Variants in PRKN observed in about 807,000 individuals in gnomAD.
PRKN encodes the protein E3 ubiquitin-protein ligase parkin.
PRKN carries 56 observed loss-of-function variants against 59.5 expected under a neutral mutation model. The ratio of observed to expected loss-of-function variants is 0.94; its 90% CI spans 0.76 to 1.18. The LOEUF (loss-of-function observed/expected upper bound fraction) is 1.18. Ranked by LOEUF, PRKN falls within the 50% of genes most tolerant of loss-of-function variation. PRKN has a pLI of 0.00. For missense variants in PRKN, 657 were observed against 596.4 expected (o/e 1.10, Z -1.06); for synonymous variants, 250 against 222.1 (o/e 1.13, Z -1.12).
chr6:161,468,762 A>G lies in PRKN; in HGVS notation c.1083+80092T>C, dbSNP rs1012038393. On this transcript the variant is annotated intron_variant, in intron 9 of 11. Coordinates refer to ENST00000366898, the MANE Select transcript of PRKN (RefSeq NM_004562.3). This position sits in a 1 kb window ranked among gnomAD's most constrained non-coding sequence, Gnocchi z 5.9. ...ACTTGGGTATGTTCTTCTCAAGGAC[A>G]GGAAAGTCATGCACAGTGTATGTTC... Among the ~76,000 whole-genome samples the G allele has an allele frequency of 2.0e-5, 3 of 152,200 alleles. No homozygotes were observed. Among genetic ancestry groups the G allele is most frequent in the African/African-American group, 7.2e-5 (3 of 41,454 alleles).
intron 2 of PRKN, among the ~76,000 whole-genome samples, chr6:162,406,946 C>T (rs1044940766): frequency 4.6e-5 from 7 of 152,018 alleles, no homozygotes; most frequent in South Asian, 2.1e-4. Flanking sequence ...AACTTTCTGC[C>T]AGGTTTAAGA....
At position 161,473,487 on chromosome 6, in the gene PRKN, A is replaced by G. The variant is rs984625592; in HGVS notation, c.1083+75367T>C. Reference sequence around the variant, plus strand: ...AACTGAGCCAGACACAGGAAAAAGTACTGCATGATCTTACTTACATGTGGA... The same window carrying G: ...AACTGAGCCAGACACAGGAAAAAGTGCTGCATGATCTTACTTACATGTGGA... On this transcript the variant is annotated intron_variant, in intron 9 of 11. Coordinates refer to ENST00000366898, the MANE Select transcript of PRKN (RefSeq NM_004562.3). The surrounding 1 kb of genome is among the most constrained non-coding windows in gnomAD (Gnocchi z 4.1). 2.0e-5 allele frequency among the ~76,000 whole-genome samples: 3 copies of G among 151,944 alleles called. No individual in the cohort carries two copies. Among genetic ancestry groups the G allele is most frequent in the Non-Finnish European group, 2.9e-5 (2 of 67,980 alleles).
In PRKN at chr6:161,551,020, C is replaced by A. The variant is rs575732880; in HGVS notation, c.934-2017G>T. ...ACGTGTGAATGGCATACACATACAG[C>A]ACCTTTACCAGAAAAGAGGTCTAAG... is the stretch of plus-strand genomic sequence containing the variant. On this transcript the variant is annotated intron_variant, in intron 8 of 11. Coordinates refer to ENST00000366898, the MANE Select transcript of PRKN (RefSeq NM_004562.3). The surrounding 1 kb of genome is among the most constrained non-coding windows in gnomAD (Gnocchi z 5.2). Among the ~76,000 whole-genome samples, 7 of 152,184 alleles carry A rather than the reference C, an allele frequency of 4.6e-5. No individual in the cohort carries two copies. Among genetic ancestry groups the A allele is most frequent in the African/African-American group, 1.7e-4 (7 of 41,512 alleles).
At chr6:161,441,991 T>C (rs969303998) in intron 9 of PRKN, among the ~76,000 whole-genome samples, 1 of 152,306 alleles carries the variant, frequency 6.6e-6, no homozygotes, top group East Asian at 1.9e-4. Flanking sequence ...AGGGAGGACA[T>C]CGCCAATGAG....
At chr6:161,965,880 T>G (rs527958903) in intron 6 of PRKN, among the ~76,000 whole-genome samples, 1 of 152,162 alleles carries the variant, frequency 6.6e-6, no homozygotes, top group East Asian at 1.9e-4. Context: ...GGTCTTATAA[T>G]GGCTACCCTT....
chr6:161,973,328 G>A lies in PRKN; in HGVS notation c.708C>T (p.Ile236=). Residue 236 remains isoleucine (I), a synonymous_variant, in exon 6 of 12, where the codon ATC becomes ATT. Coordinates refer to ENST00000366898, the MANE Select transcript of PRKN (RefSeq NM_004562.3). ...LHLIATNSRN[I]TCITCTDVRS... ...TGACGTCTGTGCACGTAATGCAAGT[G>A]ATGTTCCGACTATTTGTTGCGATCA... 6.2e-7 allele frequency: 1 copy of A among 1,612,970 alleles called. No individual in the cohort carries two copies. Among genetic ancestry groups the A allele is most frequent in the African/African-American group, 1.3e-5 (1 of 75,016 alleles).
chr6:162,012,069 C>T (rs1165568207), intron 5 of PRKN, among the ~76,000 whole-genome samples: 1 of 152,086 alleles, frequency 6.6e-6, no homozygotes, highest in Non-Finnish European at 1.5e-5. Flanking sequence ...ACAGGGTCTT[C>T]AACAACTCTA....
intron 7 of PRKN, among the ~76,000 whole-genome samples, chr6:161,757,924 T>A (rs1455656417): frequency 7.2e-6 from 1 of 139,464 alleles, no homozygotes; most frequent in African/African-American, 2.7e-5. Flanking sequence ...CACACACATC[T>A]CTCTCTCTGT....
intron 1 of PRKN, among the ~76,000 whole-genome samples, chr6:162,678,269 T>C (rs1779629225): frequency 6.6e-6 from 1 of 152,232 alleles, no homozygotes; most frequent in Admixed American, 6.5e-5. Flanking sequence ...GATACTTGTA[T>C]GTGAGTCTTT....
intron 9 of PRKN, among the ~76,000 whole-genome samples, chr6:161,494,774 C>G (rs918976075): frequency 6.6e-6 from 1 of 152,204 alleles, no homozygotes; most frequent in Non-Finnish European, 1.5e-5. Flanking sequence ...CATGCTCCAG[C>G]TGGCTGAGGT....
chr6:161,652,263 G>A (rs184505591), intron 7 of PRKN, among the ~76,000 whole-genome samples: 1 of 152,124 alleles, frequency 6.6e-6, no homozygotes, highest in Non-Finnish European at 1.5e-5. Flanking sequence ...AGAAAGTCAG[G>A]GTAGTGATAG....
At chr6:162,416,077 C>T (rs1413792493) in intron 2 of PRKN, among the ~76,000 whole-genome samples, 2 of 152,072 alleles carry the variant, frequency 1.3e-5, no homozygotes. Flanking sequence ...AATATTTGAC[C>T]TCCAGTATCA....
At chr6:162,308,233 T>C (rs964156564) in intron 2 of PRKN, among the ~76,000 whole-genome samples, 11 of 152,162 alleles carry the variant, frequency 7.2e-5, no homozygotes, top group African/African-American at 7.2e-5. Flanking sequence ...TGTGGCATAT[T>C]CATGCATCTC....
At chr6:161,509,828 C>A (rs1467622745) in intron 9 of PRKN, among the ~76,000 whole-genome samples, 1 of 140,270 alleles carries the variant, frequency 7.1e-6, no homozygotes, top group Non-Finnish European at 1.5e-5. Context: ...TGCAGTGAGC[C>A]GAGATTGTGC....
At chr6:161,653,338 T>C (rs1338208029) in intron 7 of PRKN, among the ~76,000 whole-genome samples, 2 of 152,092 alleles carry the variant, frequency 1.3e-5, no homozygotes, top group African/African-American at 4.8e-5. Context: ...CACTCCAGCC[T>C]GGCAACAGAG....
intron 5 of PRKN, among the ~76,000 whole-genome samples, chr6:161,988,277 A>T (rs1781509275): frequency 6.6e-6 from 1 of 152,164 alleles, no homozygotes; most frequent in South Asian, 2.1e-4. Context: ...ACCTGAGATC[A>T]GGAATTTGAG....
intron 5 of PRKN, among the ~76,000 whole-genome samples, chr6:161,977,664 A>C (rs2128253241): frequency 6.7e-6 from 1 of 149,496 alleles, no homozygotes; most frequent in South Asian, 2.1e-4. Flanking sequence ...CTCCTGCCTC[A>C]GCCTCCCAAG....
chr6:162,156,804 G>A lies in PRKN; in HGVS notation c.534+44327C>T, dbSNP rs534095487. The stretch of plus-strand genomic sequence containing the variant: ...TATTAACCATCACCCTTGATTAGCA[G>A]ACAATGTTCTCCCCCTTTGCACACA... On this transcript the variant is annotated intron_variant, in intron 4 of 11. Coordinates refer to ENST00000366898, the MANE Select transcript of PRKN (RefSeq NM_004562.3). Among the ~76,000 whole-genome samples the A allele has an allele frequency of 7.2e-5, 11 of 152,164 alleles. No individual in the cohort carries two copies. The East Asian group carries it at 2.1e-3, about 30-fold the overall frequency.
chr6:161,796,295 A>G (rs1790845478), intron 6 of PRKN, among the ~76,000 whole-genome samples: 1 of 152,224 alleles, frequency 6.6e-6, no homozygotes, highest in Non-Finnish European at 1.5e-5. Flanking sequence ...TCAAAGTGCT[A>G]GATTGAAAAC....
Sources: gnomAD v4.1 joint callset for allele counts (sites outside exome capture counted in the v4.1 genomes callset) on GRCh38, gnomAD v4.1.1 for gene constraint, Gnocchi (gnomAD v3.1) non-coding constraint, MANE v1.5 for transcripts, NCBI Gene and HGNC (gene_info 2026-07-23, HGNC 2026-07-21) for gene names.